Variants in TAF1B observed in about 807,000 individuals in gnomAD.
The protein encoded by TAF1B is TATA box-binding protein-associated factor RNA polymerase I subunit B.
In TAF1B, 61 loss-of-function variants were observed where a neutral mutation model predicts 83.9. The ratio of observed to expected loss-of-function variants is 0.73; its 90% CI spans 0.59 to 0.90. The LOEUF is 0.90. TAF1B is among the 40% of genes least tolerant of loss of function. TAF1B has a pLI of 0.00. For missense variants in TAF1B, 625 were observed against 677.0 expected, an observed-to-expected ratio of 0.92 and a Z score of 0.85; for synonymous variants, 221 against 224.6, an observed-to-expected ratio of 0.98 and a Z score of 0.14.
chr2:9,845,502 G>T, intron 2 of TAF1B, 184 bp downstream of exon 2: 1 of 486,660 alleles, frequency 2.1e-6, no homozygotes. Flanking sequence ...ATTAGATTGA[G>T]GATGAGTTTT....
intron 1 of TAF1B, chr2:9,844,257 C>T (rs1045731076): frequency 6.6e-6 from 1 of 152,142 alleles, no homozygotes; most frequent in African/African-American, 2.4e-5. Flanking sequence ...TCGAGAGATC[C>T]TTCCGCCTCA....
chr2:9,844,897 C>T (rs902978666), intron 1 of TAF1B, among the ~76,000 whole-genome samples: 1 of 152,100 alleles, frequency 6.6e-6, no homozygotes, highest in Non-Finnish European at 1.5e-5. Flanking sequence ...TAAAAGTCTT[C>T]TCTATACTTG....
intron 8 of TAF1B, among the ~76,000 whole-genome samples, chr2:9,888,506 T>TA (rs1184599202): frequency 1.3e-5 from 2 of 151,818 alleles, no homozygotes; most frequent in African/African-American, 2.4e-5. Flanking sequence ...TTTCTTGTTC[T>TA]AAAAAAAAGT....
chr2:9,864,396 T>G (rs1035529164), intron 5 of TAF1B, among the ~76,000 whole-genome samples: 1 of 152,090 alleles, frequency 6.6e-6, no homozygotes, highest in Non-Finnish European at 1.5e-5. Context: ...CAGGAAGAAG[T>G]TGAATCTCTG....
rs768557866 is a variant in TAF1B, at chr2:9,904,874, G to A, written c.823G>A (p.Glu275Lys). 80 of 1,610,414 alleles carry A rather than the reference G, an allele frequency of 5.0e-5. No individual in the cohort carries two copies. Among genetic ancestry groups the A allele is most frequent in the South Asian group, 7.7e-5 (7 of 91,002 alleles). The part of the protein sequence containing the change: ...IFGIESWPDY[E>K]DIYKKTVEVG... ...TTTATTTCAGTCTTGGCCTGACTAC[G>A]AGGACATCTACAAAAAAACAGTAGA... The change falls in exon 9 of 15, where the codon GAG (glutamate) becomes AAG (lysine). Residue 275 changes from glutamate (E) to lysine (K), a missense_variant. By Grantham distance (56) the Glu-to-Lys change is moderately conservative. Transcript: ENST00000263663.
In TAF1B at chr2:9,919,803, A is replaced by G. The variant is rs747623098; in HGVS notation, c.1548A>G (p.Thr516=). The part of the protein sequence containing the change: ...LTKNSLYWLS[T]QKFCRCYCTH... ...AGAATTCATTATATTGGCTTAGTAC[A>G]CAGAAATTCTGCAGATGGTAATAAT... Residue 516 remains threonine (T), a synonymous_variant, in exon 14 of 15, where the codon ACA becomes ACG. Coordinates refer to ENST00000263663, the MANE Select transcript of TAF1B (RefSeq NM_005680.3). 3 of 1,613,804 alleles carry G rather than the reference A, an allele frequency of 1.9e-6. No homozygotes were observed. The highest frequency in any genetic ancestry group is 2.5e-6 in the Non-Finnish European group (3 of 1,179,874).
intron 9 of TAF1B, 98 bp downstream of exon 9, chr2:9,905,104 T>A: frequency 9.4e-7 from 1 of 1,063,602 alleles, no homozygotes; most frequent in Non-Finnish European, 1.3e-6. Flanking sequence ...TAGAACCACC[T>A]GAAAAGGTCC....
At chr2:9,922,823 A>G (rs1158755971) in intron 14 of TAF1B, among the ~76,000 whole-genome samples, 1 of 152,218 alleles carries the variant, frequency 6.6e-6, no homozygotes, top group Non-Finnish European at 1.5e-5. Context: ...ATGAATGGAA[A>G]ATAGGGCCTA....
At chr2:9,852,514 C>T (rs1473769123) in intron 4 of TAF1B, among the ~76,000 whole-genome samples, 7 of 151,438 alleles carry the variant, frequency 4.6e-5, no homozygotes, top group Non-Finnish European at 8.8e-5. Context: ...TTTTAAGAGA[C>T]GGAGTCTCGC....
chr2:9,894,279 G>A (rs1382395580), intron 8 of TAF1B, among the ~76,000 whole-genome samples: 1 of 152,052 alleles, frequency 6.6e-6, no homozygotes, highest in African/African-American at 2.4e-5. Flanking sequence ...ATCTGTTGGG[G>A]AGTTTTTCTC....
intron 8 of TAF1B, among the ~76,000 whole-genome samples, chr2:9,890,284 T>C (rs187423584): frequency 1.9e-3 from 283 of 152,350 alleles, no homozygotes; most frequent in Middle Eastern, 0.01. Context: ...CATATATTTT[T>C]TCCAGTTCTC....
At position 9,932,718 on chromosome 2, in the gene TAF1B, G is replaced by T. The variant is rs149230958; in HGVS notation, c.1566-1065G>T. Among the ~76,000 whole-genome samples, 319 of 152,342 alleles carry T rather than the reference G, an allele frequency of 2.1e-3. 1 individual carries two copies. Among genetic ancestry groups the T allele is most frequent in the Non-Finnish European group, 3.6e-3 (248 of 68,038 alleles). The stretch of plus-strand genomic sequence containing the variant: ...TGCTTTCTTCAGAGCTGTCAGACAG[G>T]GACGTTTAAGTCTGCAGAAGTTTCT... On this transcript the variant is annotated intron_variant, in intron 14 of 14. Transcript: ENST00000263663.
chr2:9,875,403 A>G (rs1664292813), intron 6 of TAF1B, among the ~76,000 whole-genome samples: 1 of 152,208 alleles, frequency 6.6e-6, no homozygotes, highest in Admixed American at 6.5e-5. Flanking sequence ...TAGTTTTAAG[A>G]TAATTGTATT....
chr2:9,881,186 T>C (rs1442921024), intron 7 of TAF1B, among the ~76,000 whole-genome samples: 2 of 151,994 alleles, frequency 1.3e-5, no homozygotes, highest in Admixed American at 6.6e-5. Context: ...ATACAAAAAT[T>C]AGCCAGGCAT....
chr2:9,897,367 C>T (rs718256), intron 8 of TAF1B, among the ~76,000 whole-genome samples: 34,680 of 152,146 alleles, frequency 0.23, 4,809 homozygotes, highest in East Asian at 0.32. Flanking sequence ...TACTATTCTA[C>T]CACAGTCCTT....
chr2:9,919,762 C>T lies in TAF1B; in HGVS notation c.1507C>T (p.Gln503Ter). Residue 503 changes from glutamine to a stop codon, truncating the protein, a stop_gained, in exon 14 of 15, where the codon CAA becomes TAA. Coordinates refer to ENST00000263663, the MANE Select transcript of TAF1B (RefSeq NM_005680.3). LOFTEE classifies it high-confidence loss of function. ...SLQGVLKEKG[Q>*]SLLTKNSLYW... The stretch of plus-strand genomic sequence containing the variant: ...TCAGGGAGTCCTGAAAGAGAAAGGC[C>T]AATCACTGCTGACTAAGAATTCATT... 1 of 1,614,122 alleles carries T rather than the reference C, an allele frequency of 6.2e-7. No homozygotes were observed. The highest frequency in any genetic ancestry group is 2.2e-5 in the East Asian group (1 of 44,876).
chr2:9,899,922 C>T (rs909422475), intron 8 of TAF1B, among the ~76,000 whole-genome samples: 2 of 152,166 alleles, frequency 1.3e-5, no homozygotes, highest in Non-Finnish European at 2.9e-5. Context: ...ATAAAACAGC[C>T]TATCAAAGCA....
chr2:9,845,172 T>C, intron 1 of TAF1B, 48 bp from the exon 2 acceptor site: 1 of 1,441,132 alleles, frequency 6.9e-7, no homozygotes, highest in African/African-American at 1.4e-5. Context: ...GTACGATGTA[T>C]TGAATGTGGC....
chr2:9,905,418 G>A (rs567046030), intron 9 of TAF1B, among the ~76,000 whole-genome samples: 4 of 152,256 alleles, frequency 2.6e-5, no homozygotes, highest in Non-Finnish European at 5.9e-5. Flanking sequence ...AATCCTAGAA[G>A]CTAATCTGTG....
Sources: gnomAD v4.1 joint callset for allele counts (sites outside exome capture counted in the v4.1 genomes callset) on GRCh38, gnomAD v4.1.1 for gene constraint, MANE v1.5 for transcripts, NCBI Gene and HGNC (gene_info 2026-07-23, HGNC 2026-07-21) for gene names.